Variants in FDFT1 observed in about 807,000 individuals in gnomAD.
The protein encoded by FDFT1 is farnesyl-diphosphate farnesyltransferase 1, also known as squalene synthase.
In FDFT1, 68 loss-of-function variants were observed where a neutral mutation model predicts 46.8. That is an observed-to-expected ratio of 1.45 (90% CI 1.19 to 1.78). FDFT1 has a LOEUF of 1.78. FDFT1 is among the 40% of genes most tolerant of loss of function. FDFT1 has a pLI of 0.00. For missense variants in FDFT1, 928 were observed against 524.4 expected, an observed-to-expected ratio of 1.77 and a Z score of -7.52; for synonymous variants, 351 against 185.1, an observed-to-expected ratio of 1.90 and a Z score of -7.28.
intron 5 of FDFT1, among the ~76,000 whole-genome samples, chr8:11,827,873 C>T (rs1459606422): frequency 6.7e-6 from 1 of 150,198 alleles, no homozygotes; most frequent in Non-Finnish European, 1.5e-5. Flanking sequence ...GACCTTATCT[C>T]TTAAAACAAA....
At position 11,838,871 on chromosome 8, in the gene FDFT1, G is replaced by A. The variant is rs1202643935; in HGVS notation, c.*262G>A. 8 of 479,042 alleles carry A rather than the reference G, an allele frequency of 1.7e-5. No homozygotes were observed. Among genetic ancestry groups the A allele is most frequent in the South Asian group, 4.4e-5 (2 of 45,944 alleles). 29.7% of individuals were successfully genotyped at this position (479,042 alleles called of 1,614,324 possible). On this transcript the variant is annotated 3_prime_UTR_variant, in exon 8 of 8. Transcript: ENST00000220584. ...CTCATGGCAGAGCATTCAGTGCCAC[G>A]GTTTAGGTGAAGTCGCTGCATATGT... is the stretch of plus-strand genomic sequence containing the variant.
In FDFT1 at chr8:11,802,823, C is replaced by T. The variant is rs11549153; in HGVS notation, c.-10C>T. 3 of 1,604,380 alleles carry T rather than the reference C, an allele frequency of 1.9e-6. No homozygotes were observed. The highest frequency in any genetic ancestry group is 1.7e-4 in the Middle Eastern group (1 of 6,036). ...AGAGTCGCGCCCGGGAGTCCGCCGCCTGCGCCAGGATGGAGTTCGTGAAAT... is the reference window on the plus strand; with the variant it reads ...AGAGTCGCGCCCGGGAGTCCGCCGCTTGCGCCAGGATGGAGTTCGTGAAAT... On this transcript the variant is annotated 5_prime_UTR_variant, in exon 1 of 8. Transcript: ENST00000220584.
intron 3 of FDFT1, chr8:11,810,091 C>A (rs893674920): frequency 1.3e-5 from 6 of 472,056 alleles, no homozygotes; most frequent in African/African-American, 1.2e-4. Context: ...TCAGTTTCTT[C>A]ATCTGTAAAA....
intron 5 of FDFT1, among the ~76,000 whole-genome samples, chr8:11,828,235 C>T (rs35787968): frequency 0.22 from 33,234 of 152,076 alleles, 4,968 homozygotes; most frequent in East Asian, 0.79. Context: ...CTGCAGTGAA[C>T]CATGATCGCA....
At chr8:11,819,620 T>C (rs1264670049) in intron 3 of FDFT1, among the ~76,000 whole-genome samples, 1 of 152,066 alleles carries the variant, frequency 6.6e-6, no homozygotes, top group Non-Finnish European at 1.5e-5. Flanking sequence ...ATATCCTTTC[T>C]TCTGCTTGAT....
At chr8:11,826,866 T>A (rs900307227) in intron 5 of FDFT1, among the ~76,000 whole-genome samples, 2 of 152,144 alleles carry the variant, frequency 1.3e-5, no homozygotes, top group Non-Finnish European at 2.9e-5. Context: ...TCAGTTACTG[T>A]TGCTACACAG....
chr8:11,808,979 T>A, intron 2 of FDFT1, 88 bp downstream of exon 2: 5 of 1,534,508 alleles, frequency 3.3e-6, no homozygotes, highest in Non-Finnish European at 4.4e-6. Flanking sequence ...GATATAGCGC[T>A]CAGCGTTGCA....
chr8:11,834,743 A>G (rs571831785), intron 7 of FDFT1, among the ~76,000 whole-genome samples: 1 of 152,374 alleles, frequency 6.6e-6, no homozygotes, highest in South Asian at 2.1e-4. Context: ...GAAGTACCAC[A>G]TGGACTCACA....
chr8:11,817,670 T>C (rs900850948), intron 3 of FDFT1, among the ~76,000 whole-genome samples: 4 of 152,232 alleles, frequency 2.6e-5, no homozygotes, highest in African/African-American at 9.6e-5. Flanking sequence ...TTGATAGTAT[T>C]CTCCAGTGGT....
At chr8:11,798,859 A>T (rs1035901303), upstream of FDFT1, among the ~76,000 whole-genome samples, 9 of 152,238 alleles carry the variant, frequency 5.9e-5, no homozygotes, top group Non-Finnish European at 1.2e-4. Flanking sequence ...GTGTTGACTT[A>T]AAAAATATGA....
Position 11,821,887 on chromosome 8 carries a change from C to A in FDFT1, c.510+9C>A. On this transcript the variant is annotated intron_variant, in intron 4 of 7. Transcript: ENST00000220584. ...AACAGGAGTGGGACAAGGTTAGTCT[C>A]ATAAAACAGTGTCTGTGTGTGATGT... The A allele has an allele frequency of 1.2e-6, 2 of 1,611,726 alleles. No homozygotes were observed. The highest frequency in any genetic ancestry group is 1.7e-6 in the Non-Finnish European group (2 of 1,178,438).
intron 4 of FDFT1, among the ~76,000 whole-genome samples, chr8:11,823,277 C>G (rs549299153): frequency 5.3e-5 from 8 of 152,170 alleles, no homozygotes; most frequent in Non-Finnish European, 1.0e-4. Flanking sequence ...TTTTCTTCTA[C>G]TTTGGGGGAA....
intron 3 of FDFT1, among the ~76,000 whole-genome samples, chr8:11,820,294 C>CA (rs1809044377): frequency 6.6e-6 from 1 of 152,170 alleles, no homozygotes; most frequent in African/African-American, 2.4e-5. Flanking sequence ...AGTCAGGCTA[C>CA]ATGGGGCTCA....
chr8:11,809,261 T>G (rs74968483), intron 2 of FDFT1: 3 of 1,124,462 alleles, frequency 2.7e-6, no homozygotes, highest in African/African-American at 1.6e-5. Flanking sequence ...TCTGTGCACA[T>G]TACACCCATG....
At chr8:11,824,152 G>C (rs1393185680) in intron 4 of FDFT1, among the ~76,000 whole-genome samples, 1 of 152,056 alleles carries the variant, frequency 6.6e-6, no homozygotes, top group Non-Finnish European at 1.5e-5. Context: ...CGTGAACTTC[G>C]GTCATTTCCT....
upstream of FDFT1, chr8:11,802,098 T>TC (rs1806181725): frequency 2.2e-6 from 1 of 454,880 alleles, no homozygotes. Flanking sequence ...CTAAGCTGGA[T>TC]CTCAAGTAAA....
chr8:11,803,319 C>T, intron 1 of FDFT1: 1 of 1,297,364 alleles, frequency 7.7e-7, no homozygotes, highest in Non-Finnish European at 1.0e-6. Flanking sequence ...ATGAACTATG[C>T]AGATAACATC....
At position 11,809,788 on chromosome 8, in the gene FDFT1, C is replaced by A. The variant is rs970626254; in HGVS notation, c.319C>A (p.Pro107Thr). 6.2e-7 allele frequency: 1 copy of A among 1,614,194 alleles called. No homozygotes were observed. The highest frequency in any genetic ancestry group is 1.7e-5 in the Admixed American group (1 of 60,028). ...LHNFHSFLYQ[P>T]DWRFMESKEK... ...CAACTTTCACTCTTTCCTTTACCAA[C>A]CAGACTGGCGGTTCATGGAGAGCAA... The change falls in exon 3 of 8, where the codon CCA becomes ACA. Residue 107 changes from proline to threonine, a missense_variant. Physicochemically the swap from Pro to Thr is conservative, Grantham distance 38 (BLOSUM62 -1). Transcript: ENST00000220584.
chr8:11,809,399 C>G (rs917964916), intron 2 of FDFT1: 29 of 1,206,286 alleles, frequency 2.4e-5, no homozygotes, highest in Non-Finnish European at 2.9e-5. Flanking sequence ...CTCCATAGTT[C>G]TACATTGGTT....
Sources: gnomAD v4.1 joint callset for allele counts (sites outside exome capture counted in the v4.1 genomes callset) on GRCh38, gnomAD v4.1.1 for gene constraint, MANE v1.5 for transcripts, NCBI Gene and HGNC (gene_info 2026-07-23, HGNC 2026-07-21) for gene names.